Variants in PDZRN4 observed in about 807,000 individuals in gnomAD.
PDZRN4 encodes PDZ domain containing ring finger 4, also known as PDZ domain-containing RING finger protein 4.
Under a neutral mutation model 99.0 loss-of-function variants are expected in PDZRN4, and 70 were observed. The ratio of observed to expected loss-of-function variants is 0.71; its 90% CI spans 0.58 to 0.86. The LOEUF is 0.86. Among genes scored for constraint, PDZRN4 ranks in the 40% least tolerant of loss-of-function variants. The probability of loss-of-function intolerance (pLI) is 0.00; values close to 1 mark genes in which losing one functional copy is unlikely to be tolerated. For synonymous variants in PDZRN4, 551 were observed against 501.6 expected, an observed-to-expected ratio of 1.10 and a Z score of -1.32; for missense variants, 1,474 against 1,331.2, an observed-to-expected ratio of 1.11 and a Z score of -1.67.
At chr12:41,217,840 T>G (rs1950931456) in intron 3 of PDZRN4, among the ~76,000 whole-genome samples, 1 of 152,066 alleles carries the variant, frequency 6.6e-6, no homozygotes, top group Admixed American at 6.6e-5. Flanking sequence ...TTCCGCTCTG[T>G]GCTCCCAAGA....
intron 3 of PDZRN4, among the ~76,000 whole-genome samples, chr12:41,259,454 C>T (rs1354117131): frequency 1.3e-5 from 2 of 152,122 alleles, no homozygotes; most frequent in Admixed American, 1.3e-4. Context: ...TGTAATACTG[C>T]ATTTTAACAA....
intron 3 of PDZRN4, among the ~76,000 whole-genome samples, chr12:41,198,472 T>C (rs1176403862): frequency 6.6e-6 from 1 of 151,826 alleles, no homozygotes; most frequent in East Asian, 1.9e-4. Context: ...AAGCAGAGGA[T>C]TTTTTTTAGT....
At chr12:41,197,920 G>GTTTTGTTTTTT (rs1555215722) in intron 3 of PDZRN4, among the ~76,000 whole-genome samples, 17 of 115,616 alleles carry the variant, frequency 1.5e-4, no homozygotes, top group East Asian at 1.3e-3. Context: ...TTTTTTCTGG[G>GTTTTGTTTTTT]TTTTTTTTTT....
intron 3 of PDZRN4, among the ~76,000 whole-genome samples, chr12:41,279,196 A>G (rs943592947): frequency 6.6e-6 from 1 of 152,220 alleles, no homozygotes; most frequent in Non-Finnish European, 1.5e-5. Flanking sequence ...CAAATCAGTC[A>G]TTCTTGACAT....
chr12:41,312,929 CTGCCCTTCTTAGTGTTA>C (rs1192140779), intron 3 of PDZRN4, among the ~76,000 whole-genome samples: 1 of 152,176 alleles, frequency 6.6e-6, no homozygotes, highest in Non-Finnish European at 1.5e-5. Flanking sequence ...CCAAATCGCA[CTGCCCTTCTTAGTGTTA>C]TGCCCAGAAA....
At chr12:41,270,448 A>T (rs1951307848) in intron 3 of PDZRN4, among the ~76,000 whole-genome samples, 6 of 152,106 alleles carry the variant, frequency 3.9e-5, no homozygotes. Context: ...TCTATCACTT[A>T]ATAGTAAGGG....
At chr12:41,224,068 T>C (rs1032187172) in intron 3 of PDZRN4, among the ~76,000 whole-genome samples, 1 of 152,256 alleles carries the variant, frequency 6.6e-6, no homozygotes, top group Non-Finnish European at 1.5e-5. Flanking sequence ...CAGAGCAGCT[T>C]GCCCTTGAGG....
chr12:41,503,107 G>A (rs1404563261), intron 3 of PDZRN4, among the ~76,000 whole-genome samples: 2 of 151,840 alleles, frequency 1.3e-5, no homozygotes, highest in African/African-American at 4.8e-5. Context: ...GTATGTTGAT[G>A]AACTTCAAGT....
chr12:41,332,249 C>T (rs913000598), intron 3 of PDZRN4, among the ~76,000 whole-genome samples: 1 of 151,942 alleles, frequency 6.6e-6, no homozygotes, highest in Admixed American at 6.6e-5. Context: ...TACAAAGGAG[C>T]AAGAAAGAAA....
intron 3 of PDZRN4, among the ~76,000 whole-genome samples, chr12:41,503,930 C>G (rs1050704133): frequency 1.3e-5 from 2 of 152,034 alleles, no homozygotes; most frequent in African/African-American, 4.8e-5. Context: ...TGATGCAAGG[C>G]TTATAAGAAA....
chr12:41,285,704 A>G (rs934376519), intron 3 of PDZRN4, among the ~76,000 whole-genome samples: 2 of 152,168 alleles, frequency 1.3e-5, no homozygotes, highest in African/African-American at 4.8e-5. Context: ...CTTTGCAGGG[A>G]CATGGATGAA....
rs564598707 is a variant in PDZRN4 at position 41,561,811 on chromosome 12, C to T, written c.1366-1737C>T. Among the ~76,000 whole-genome samples, 464 of 151,850 alleles carry T rather than the reference C, an allele frequency of 3.1e-3. 2 individuals carry two copies. The highest frequency in any genetic ancestry group is 5.6e-3 in the Non-Finnish European group (379 of 67,904). On this transcript the variant is annotated intron_variant, in intron 7 of 9. Coordinates refer to ENST00000402685, the MANE Select transcript of PDZRN4 (RefSeq NM_001164595.2). ...AAATAAATGCATTGCAAATATATTACTAAGAATTACCATGAAACAGACATA... is the reference window on the plus strand; with the variant it reads ...AAATAAATGCATTGCAAATATATTATTAAGAATTACCATGAAACAGACATA...
chr12:41,319,802 C>G (rs1405663478), intron 3 of PDZRN4, among the ~76,000 whole-genome samples: 1 of 152,218 alleles, frequency 6.6e-6, no homozygotes, highest in African/African-American at 2.4e-5. Flanking sequence ...TTTATCTCAC[C>G]TGCGACTGTG....
intron 3 of PDZRN4, among the ~76,000 whole-genome samples, chr12:41,242,717 T>C (rs1353660670): frequency 1.3e-5 from 2 of 152,200 alleles, no homozygotes; most frequent in Non-Finnish European, 2.9e-5. Context: ...ATTTTTTTCT[T>C]GCTTCACCCA....
intron 3 of PDZRN4, among the ~76,000 whole-genome samples, chr12:41,291,031 TA>T (rs200491823): frequency 8.2e-4 from 125 of 151,520 alleles, no homozygotes; most frequent in African/African-American, 2.9e-3. Flanking sequence ...AGTTGCTTTT[TA>T]AAAAAAAATG....
intron 3 of PDZRN4, among the ~76,000 whole-genome samples, chr12:41,279,488 G>C (rs1951370026): frequency 6.6e-6 from 1 of 152,134 alleles, no homozygotes; most frequent in Admixed American, 6.5e-5. Context: ...ATGGGTAGTA[G>C]TTTCCAACAA....
intron 3 of PDZRN4, among the ~76,000 whole-genome samples, chr12:41,483,129 C>T (rs546210265): frequency 2.2e-4 from 34 of 152,032 alleles, no homozygotes; most frequent in Admixed American, 1.0e-3. Flanking sequence ...CCAGCTCAGC[C>T]TTTAAATATT....
chr12:41,350,395 T>G (rs1951881590), intron 3 of PDZRN4, among the ~76,000 whole-genome samples: 1 of 152,154 alleles, frequency 6.6e-6, no homozygotes, highest in Non-Finnish European at 1.5e-5. Context: ...GTAATTAATC[T>G]TGATGAATGT....
chr12:41,504,394 C>A (rs1042008141), intron 3 of PDZRN4, among the ~76,000 whole-genome samples: 3 of 152,202 alleles, frequency 2.0e-5, no homozygotes, highest in Admixed American at 6.5e-5. Context: ...CAGGGTACAT[C>A]CTGAAGCAGG....
Sources: gnomAD v4.1 joint callset for allele counts (sites outside exome capture counted in the v4.1 genomes callset) on GRCh38, gnomAD v4.1.1 for gene constraint, MANE v1.5 for transcripts, NCBI Gene and HGNC (gene_info 2026-07-23, HGNC 2026-07-21) for gene names.